DENND3: variants seen among roughly 807,000 people sequenced by gnomAD.
DENND3 encodes DENN domain containing 3.
In DENND3, 88 loss-of-function variants were observed where a neutral mutation model predicts 135.1. The observed-to-expected ratio is 0.65, with a 90% confidence interval of 0.55 to 0.78. The LOEUF (loss-of-function observed/expected upper bound fraction) is 0.78, where lower values mean the gene tolerates loss of function less well. DENND3 is among the 30% of genes least tolerant of loss of function. The probability of loss-of-function intolerance (pLI) is 0.00; values close to 1 mark genes in which losing one functional copy is unlikely to be tolerated. For missense variants in DENND3, 1,392 were observed against 1,688.4 expected, an observed-to-expected ratio of 0.82 and a Z score of 3.08; for synonymous variants, 693 against 712.3, an observed-to-expected ratio of 0.97 and a Z score of 0.43.
rs1324814073 is a variant in DENND3, at chr8:141,128,686, T to TGGCGGCG, written c.-11_-5dup. On this transcript the variant is annotated 5_prime_UTR_variant, in exon 1 of 23. Coordinates refer to ENST00000519811, the MANE Select transcript of DENND3 (RefSeq NM_001352890.3). The surrounding 1 kb of genome is among the most constrained non-coding windows in gnomAD (Gnocchi z 4.5). ...CGGCTGAGGCGCCCGAGTGCGGTAC[T>TGGCGGCG]GGCGGCGGGCGGCGGGCAGCCATGG... is the stretch of plus-strand genomic sequence containing the variant. 2.1e-4 allele frequency: 286 copies of TGGCGGCG among 1,368,492 alleles called. No individual in the cohort carries two copies. In the African/African-American group the frequency reaches 3.2e-3, roughly 15 times the overall value. 84.8% of individuals were successfully genotyped at this position (1,368,492 alleles called of 1,614,324 possible). A position where few individuals can be genotyped will look rare whatever the true frequency, so the allele number is the denominator to read the frequency against.
Position 141,136,550 on chromosome 8 carries a change from T to C in DENND3, c.144T>C (p.Leu48=). 1 of 1,556,508 alleles carries C rather than the reference T, an allele frequency of 6.4e-7. No homozygotes were observed. The highest frequency in any genetic ancestry group is 8.7e-7 in the Non-Finnish European group (1 of 1,149,976). The change falls in exon 2 of 23, where the codon CTT becomes CTC. Residue 48 remains leucine, a synonymous_variant. Coordinates refer to ENST00000519811, the MANE Select transcript of DENND3 (RefSeq NM_001352890.3). ...KKGVKHLSAL[L]DPEVLSIFVP... is the part of the protein sequence containing the mutation. ...GAGTCAAACATCTTTCTGCTCTTCT[T>C]GATCCAGAGGTCCTGTCCATTTTCG...
At chr8:141,188,429 C>T (rs1426011120) in intron 18 of DENND3, 1 of 152,330 alleles carries the variant, frequency 6.6e-6, no homozygotes, top group Non-Finnish European at 1.5e-5. Context: ...CTAATATTTA[C>T]TTGTAACTCC....
intron 18 of DENND3, chr8:141,188,351 G>A (rs1001608259): frequency 1.3e-5 from 2 of 152,228 alleles, no homozygotes; most frequent in Non-Finnish European, 2.9e-5. Context: ...AGCACTGCCA[G>A]TTCTGCTTGT....
At position 141,128,962 on chromosome 8, in the gene DENND3, C is replaced by T. The variant is rs1316299583; in HGVS notation, c.102+153C>T. Among the ~76,000 whole-genome samples the T allele has an allele frequency of 2.6e-5, 4 of 152,200 alleles. No homozygotes were observed. The highest frequency in any genetic ancestry group is 4.8e-5 in the African/African-American group (2 of 41,452). Reference sequence around the variant, plus strand: ...GGCGGTGACCCCGCGCGCCTGTGGCCGGGGATCGCGCCCGAGCTCAGGCAG... The same window carrying T: ...GGCGGTGACCCCGCGCGCCTGTGGCTGGGGATCGCGCCCGAGCTCAGGCAG... On this transcript the variant is annotated intron_variant, in intron 1 of 22. Transcript: ENST00000519811. This position sits in a 1 kb window ranked among gnomAD's most constrained non-coding sequence, Gnocchi z 4.5.
rs977682271 is a variant in DENND3 at position 141,146,074 on chromosome 8, C to A, written c.735+1815C>A. ...TTGTTAGCCAGGGTGGTCTCGATCT[C>A]CTGACCTCGTGATCTCCCCGCCTCG... On this transcript the variant is annotated intron_variant, in intron 5 of 22. Transcript: ENST00000519811. This position sits in a 1 kb window ranked among gnomAD's most constrained non-coding sequence, Gnocchi z 4.3. Among the ~76,000 whole-genome samples the A allele has an allele frequency of 1.3e-5, 2 of 151,954 alleles. No individual in the cohort carries two copies. Among genetic ancestry groups the A allele is most frequent in the Non-Finnish European group, 2.9e-5 (2 of 67,982 alleles).
Position 141,141,534 on chromosome 8 carries a change from G to GGGTGT in DENND3, c.623+213_623+217dup. On this transcript the variant is annotated intron_variant, in intron 4 of 22. Transcript: ENST00000519811. The surrounding 1 kb of genome is among the most constrained non-coding windows in gnomAD (Gnocchi z 5.3). ...CTTAAGGCTGGGGGCAGTGGGCAGGGGGTGTGGCAGCGGGCGCTCCTCTCT... is the reference window on the plus strand; with the variant it reads ...CTTAAGGCTGGGGGCAGTGGGCAGGGGGTGTGGTGTGGCAGCGGGCGCTCCTCTCT... The GGGTGT allele has an allele frequency of 1.7e-6, 1 of 592,532 alleles. No homozygotes were observed. The highest frequency in any genetic ancestry group is 2.1e-5 in the South Asian group (1 of 48,772). The allele number at this position is 592,532 out of a possible 1,614,324, so 36.7% of individuals were successfully genotyped here.
chr8:141,165,547 CT>C (rs1440139188), intron 11 of DENND3, among the ~76,000 whole-genome samples: 4 of 151,920 alleles, frequency 2.6e-5, no homozygotes, highest in Non-Finnish European at 5.9e-5. Context: ...TCACTGCAAC[CT>C]CCGCCTCCTG....
Position 141,175,465 on chromosome 8 carries a change from G to A in DENND3, c.2535+6G>A, listed in dbSNP as rs781122984. 6.2e-7 allele frequency: 1 copy of A among 1,614,166 alleles called. No individual in the cohort carries two copies. Among genetic ancestry groups the A allele is most frequent in the East Asian group, 2.2e-5 (1 of 44,890 alleles). On this transcript the variant is annotated splice_donor_region_variant and intron_variant, in intron 14 of 22. Transcript: ENST00000519811. This position sits in a 1 kb window ranked among gnomAD's most constrained non-coding sequence, Gnocchi z 5.4. ...CCACCTTCAGAAATATAGAGGTAAG[G>A]ACAGCACAGGCAGACGGCGCCAGAC...
intron 5 of DENND3, among the ~76,000 whole-genome samples, chr8:141,145,368 A>G (rs1192604969): frequency 6.6e-6 from 1 of 152,134 alleles, no homozygotes; most frequent in East Asian, 1.9e-4. Context: ...TCAACCTTCC[A>G]TGGACTGATG....
At chr8:141,150,442 A>C in intron 5 of DENND3, 1 of 577,544 alleles carries the variant, frequency 1.7e-6, no homozygotes. Context: ...ATTAAAAGAG[A>C]GTTCATAGCA....
In DENND3 at chr8:141,185,433, C is replaced by G. The variant is rs1823771729; in HGVS notation, c.3084+155C>G. On this transcript the variant is annotated intron_variant, in intron 18 of 22. Coordinates refer to ENST00000519811, the MANE Select transcript of DENND3 (RefSeq NM_001352890.3). ...GGTCTTAACTTTCACCTGGAGTTTT[C>G]AAATTAAATGTAAGCTTGTTCCAAA... is the stretch of plus-strand genomic sequence containing the variant. The G allele has an allele frequency of 5.2e-6, 5 of 960,356 alleles. No homozygotes were observed. In the South Asian group the frequency reaches 5.7e-5, roughly 11 times the overall value. 59.5% of individuals were successfully genotyped at this position (960,356 alleles called of 1,614,324 possible).
At position 141,146,017 on chromosome 8, in the gene DENND3, T is replaced by G. The variant is rs1818085858; in HGVS notation, c.735+1758T>G. Among the ~76,000 whole-genome samples, 1 of 151,446 alleles carries G rather than the reference T, an allele frequency of 6.6e-6. No homozygotes were observed. Among genetic ancestry groups the G allele is most frequent in the Admixed American group, 6.6e-5 (1 of 15,220 alleles). The stretch of plus-strand genomic sequence containing the variant: ...GCGCGTGCCACCACGCTGGCTAATT[T>G]TTTGTATTTTTAGTAGAGATGGGGT... On this transcript the variant is annotated intron_variant, in intron 5 of 22. Transcript: ENST00000519811. This position sits in a 1 kb window ranked among gnomAD's most constrained non-coding sequence, Gnocchi z 4.3.
intron 9 of DENND3, among the ~76,000 whole-genome samples, chr8:141,161,501 A>G (rs999314571): frequency 2.0e-5 from 3 of 152,204 alleles, no homozygotes; most frequent in African/African-American, 7.2e-5. Context: ...TTGAGTTGCT[A>G]TTTCTGGCCT....
intron 8 of DENND3, chr8:141,157,776 T>TTTTTTTGG (rs1819624365): frequency 1.1e-6 from 1 of 917,040 alleles, no homozygotes; most frequent in African/African-American, 1.8e-5. Flanking sequence ...TTTTTTTTTT[T>TTTTTTTGG]GGAGACAGGG....
At position 141,180,836 on chromosome 8, in the gene DENND3, G is replaced by C. The variant is rs764703669; in HGVS notation, c.2926G>C (p.Val976Leu). The stretch of plus-strand genomic sequence containing the variant: ...GGAGGCGTTCCCACAAGCGGTGGAC[G>C]TGCTGCTCTACACTCCAGGTAAGGC... ...AGEAFPQAVD[V>L]LLYTPGHLDP... The change falls in exon 17 of 23, where the codon GTG becomes CTG. Residue 976 changes from valine to leucine, a missense_variant. Transcript: ENST00000519811. 3.7e-6 allele frequency: 6 copies of C among 1,612,582 alleles called. No individual in the cohort carries two copies. The highest frequency in any genetic ancestry group is 1.1e-5 in the South Asian group (1 of 90,694).
chr8:141,140,578 A>G (rs927670627), intron 3 of DENND3, among the ~76,000 whole-genome samples: 1 of 152,250 alleles, frequency 6.6e-6, no homozygotes, highest in Non-Finnish European at 1.5e-5. Context: ...TTAGATAGAC[A>G]AATGATGTAG....
At chr8:141,190,007 A>AG (rs1824486877) in intron 19 of DENND3, among the ~76,000 whole-genome samples, 1 of 151,622 alleles carries the variant, frequency 6.6e-6, no homozygotes, top group Admixed American at 6.6e-5. Flanking sequence ...GTGGTGGGAG[A>AG]GGTGGGCGTC....
intron 18 of DENND3, among the ~76,000 whole-genome samples, chr8:141,187,530 T>C (rs1824054701): frequency 6.6e-6 from 1 of 152,140 alleles, no homozygotes. Context: ...CCGGCCATGG[T>C]ATCAGTTTTG....
In DENND3 at chr8:141,144,238, G is replaced by C. The variant is rs552171043; in HGVS notation, c.714G>C (p.Pro238=). ...CGAAGCTGTCTTTAATACCCAGCCC[G>C]CCACCTGGACCGCTCCATTTGGTAA... ...FAAKLSLIPS[P]PPGPLHLVFN... The change falls in exon 5 of 23, where the codon CCG becomes CCC. Residue 238 remains proline (P), a synonymous_variant. Coordinates refer to ENST00000519811, the MANE Select transcript of DENND3 (RefSeq NM_001352890.3). This position sits in a 1 kb window ranked among gnomAD's most constrained non-coding sequence, Gnocchi z 4.4. The C allele has an allele frequency of 1.9e-6, 3 of 1,613,102 alleles. No homozygotes were observed. In the African/African-American group the frequency reaches 4.0e-5, roughly 22 times the overall value.
Sources: gnomAD v4.1 joint callset for allele counts (sites outside exome capture counted in the v4.1 genomes callset) on GRCh38, gnomAD v4.1.1 for gene constraint, Gnocchi (gnomAD v3.1) non-coding constraint, MANE v1.5 for transcripts, NCBI Gene and HGNC (gene_info 2026-07-23, HGNC 2026-07-21) for gene names.